MSH3: variants seen among roughly 807,000 people sequenced by gnomAD.
The protein encoded by MSH3 is DNA mismatch repair protein Msh3.
A neutral mutation model predicts 123.3 loss-of-function variants in MSH3; 106 were observed. The observed-to-expected ratio is 0.86, with a 90% confidence interval of 0.73 to 1.01. The LOEUF (loss-of-function observed/expected upper bound fraction) is 1.01, where lower values mean the gene tolerates loss of function less well. Among genes scored for constraint, MSH3 ranks in the 50% least tolerant of loss-of-function variants. The pLI is 0.00. For missense variants in MSH3, 1,459 were observed against 1,347.6 expected (o/e 1.08, Z -1.29); for synonymous variants, 515 against 481.4 (o/e 1.07, Z -0.91).
chr5:80,735,240 C>T (rs965566999), intron 10 of MSH3, among the ~76,000 whole-genome samples: 13 of 151,870 alleles, frequency 8.6e-5, no homozygotes, highest in Non-Finnish European at 7.4e-5. Context: ...AAAAATTAGC[C>T]GGGCATGGTG....
intron 20 of MSH3, among the ~76,000 whole-genome samples, chr5:80,832,719 AATTTT>A (rs1745440701): frequency 6.6e-6 from 1 of 151,808 alleles, no homozygotes; most frequent in Non-Finnish European, 1.5e-5. Context: ...TAAAATGGTA[AATTTT>A]ATTATTTTTA....
rs755000466 is a variant in MSH3, at chr5:80,654,880, T to TGCAGCGGCCGCAGCGGCC, written c.161_162insCGCAGCGGCCGCAGCGGC (p.Ala57_Ala62dup). ...CAGCCGACCAGGTGGACCCTGGCGC[T>TGCAGCGGCCGCAGCGGCC]GCAGCGGCTGCAGCGGCCGCAGCGG... is the stretch of plus-strand genomic sequence containing the variant. On this transcript the variant is annotated inframe_insertion, in exon 1 of 24. Transcript: ENST00000265081. 1.3e-6 allele frequency: 2 copies of TGCAGCGGCCGCAGCGGCC among 1,525,296 alleles called. No homozygotes were observed. Among genetic ancestry groups the TGCAGCGGCCGCAGCGGCC allele is most frequent in the African/African-American group, 3.1e-5 (2 of 65,464 alleles). 94.5% of individuals were successfully genotyped at this position (1,525,296 alleles called of 1,614,324 possible).
chr5:80,793,816 G>GT (rs1239659657), intron 19 of MSH3, among the ~76,000 whole-genome samples: 1 of 152,170 alleles, frequency 6.6e-6, no homozygotes, highest in Non-Finnish European at 1.5e-5. Context: ...TAGAAGCTGG[G>GT]TAAAAATAGT....
chr5:80,862,518 G>C (rs1746031224), intron 21 of MSH3, among the ~76,000 whole-genome samples: 1 of 152,122 alleles, frequency 6.6e-6, no homozygotes, highest in African/African-American at 2.4e-5. Flanking sequence ...AGCACTTTGG[G>C]AGGCCAAAGC....
intron 8 of MSH3, among the ~76,000 whole-genome samples, chr5:80,719,201 C>T (rs1209359895): frequency 6.6e-6 from 1 of 152,048 alleles, no homozygotes; most frequent in East Asian, 1.9e-4. Flanking sequence ...GCGCGTGCCA[C>T]CACACCCAGC....
In MSH3 at chr5:80,854,285, C is replaced by T. The variant is rs756720431; in HGVS notation, c.2969C>T (p.Ala990Val). Residue 990 changes from alanine (A) to valine (V), a missense_variant, in exon 21 of 24, where the codon GCC becomes GTC. Coordinates refer to ENST00000265081, the MANE Select transcript of MSH3 (RefSeq NM_002439.5). ...GTSTHDGIAI[A>V]YATLEYFIRD... is the part of the protein sequence containing the mutation. ...AGCACTCATGATGGAATTGCCATTG[C>T]CTATGCTACACTTGAGTATTTCATC... The T allele has an allele frequency of 2.5e-6, 4 of 1,613,778 alleles. No homozygotes were observed. The highest frequency in any genetic ancestry group is 3.4e-6 in the Non-Finnish European group (4 of 1,179,836).
At chr5:80,746,625 C>T (rs184580711) in intron 12 of MSH3, 1 of 336,804 alleles carries the variant, frequency 3.0e-6, no homozygotes, top group Admixed American at 4.1e-5. Context: ...AGGAGGACGG[C>T]CATTTTTGTG....
chr5:80,733,745 G>A (rs565168437), intron 10 of MSH3, among the ~76,000 whole-genome samples: 12 of 151,980 alleles, frequency 7.9e-5, no homozygotes, highest in Non-Finnish European at 1.0e-4. Context: ...TAAGCATCAG[G>A]TAAATTCAAA....
At chr5:80,691,298 C>A (rs1403657080) in intron 8 of MSH3, among the ~76,000 whole-genome samples, 1 of 151,278 alleles carries the variant, frequency 6.6e-6, no homozygotes, top group Non-Finnish European at 1.5e-5. Flanking sequence ...AGTACAGCAG[C>A]AACAAATAGA....
At chr5:80,679,933 C>G (rs553619379) in intron 8 of MSH3, among the ~76,000 whole-genome samples, 10 of 152,048 alleles carry the variant, frequency 6.6e-5, no homozygotes, top group Non-Finnish European at 1.3e-4. Flanking sequence ...CAGAGAAGCC[C>G]ATGAGGATTT....
chr5:80,744,391 G>A (rs1743675872), intron 11 of MSH3, 115 bp from the exon 12 acceptor site: 7 of 737,476 alleles, frequency 9.5e-6, no homozygotes, highest in African/African-American at 1.7e-5. Flanking sequence ...ATGAACACCT[G>A]TTATGAGCCA....
At chr5:80,717,631 G>A (rs1750990284) in intron 8 of MSH3, among the ~76,000 whole-genome samples, 1 of 152,040 alleles carries the variant, frequency 6.6e-6, no homozygotes. Flanking sequence ...CCCACCAACA[G>A]TTATGTAAGA....
At chr5:80,708,466 A>AT (rs6151702) in intron 8 of MSH3, among the ~76,000 whole-genome samples, 20,731 of 151,326 alleles carry the variant, frequency 0.14, 1,444 homozygotes, top group East Asian at 0.27. Flanking sequence ...TTATTTATTT[A>AT]TTTTTTTTAG....
At chr5:80,872,814 G>A (rs1008125608) in intron 22 of MSH3, among the ~76,000 whole-genome samples, 3 of 152,074 alleles carry the variant, frequency 2.0e-5, no homozygotes, top group African/African-American at 7.2e-5. Flanking sequence ...CTCTAAAAAA[G>A]TAAATAAATA....
chr5:80,676,717 C>T (rs1305906118), intron 7 of MSH3, among the ~76,000 whole-genome samples: 1 of 152,062 alleles, frequency 6.6e-6, no homozygotes, highest in Non-Finnish European at 1.5e-5. Flanking sequence ...TTGAGAAGCA[C>T]GTTTTATCTA....
At chr5:80,817,640 A>G (rs530027781) in intron 20 of MSH3, among the ~76,000 whole-genome samples, 2 of 152,270 alleles carry the variant, frequency 1.3e-5, no homozygotes, top group African/African-American at 2.4e-5. Flanking sequence ...TCAAAATATC[A>G]TTAGTCACAT....
In MSH3 at chr5:80,775,728, G is replaced by T. The variant is rs373251342; in HGVS notation, c.2288G>T (p.Cys763Phe). 9.4e-6 allele frequency: 15 copies of T among 1,588,962 alleles called. No homozygotes were observed. The highest frequency in any genetic ancestry group is 6.7e-5 in the East Asian group (3 of 44,668). ...MIEIKNSAVS[C>F]IPTDWVKVGS... is the part of the protein sequence containing the mutation. ...GAAATAAAGAACTCTGCTGTATCTT[G>T]TATACCAACTGATTGGGTAAAGGTT... The change falls in exon 16 of 24, where the codon TGT becomes TTT. Residue 763 changes from cysteine (C) to phenylalanine (F), a missense_variant. Coordinates refer to ENST00000265081, the MANE Select transcript of MSH3 (RefSeq NM_002439.5).
chr5:80,852,217 T>G (rs1745841932), intron 20 of MSH3, among the ~76,000 whole-genome samples: 1 of 152,124 alleles, frequency 6.6e-6, no homozygotes, highest in Non-Finnish European at 1.5e-5. Flanking sequence ...TCCCAGATAT[T>G]CAGGAGTCTG....
At chr5:80,871,143 G>T (rs1435003853) in intron 22 of MSH3, among the ~76,000 whole-genome samples, 1 of 152,132 alleles carries the variant, frequency 6.6e-6, no homozygotes, top group East Asian at 1.9e-4. Context: ...GGTTCATTCG[G>T]AGTGCTGGGC....
Sources: allele counts gnomAD v4.1 joint callset (sites outside exome capture counted in the v4.1 genomes callset), GRCh38; gene constraint gnomAD v4.1.1; transcripts MANE v1.5; gene names NCBI Gene and HGNC (gene_info 2026-07-23, HGNC 2026-07-21).